The following NRXN1 variants were observed in gnomAD, a reference collection of about 807,000 sequenced individuals.
NRXN1 encodes the protein neurexin-1.
NRXN1 carries 39 observed loss-of-function variants against 150.9 expected under a neutral mutation model. The observed-to-expected ratio is 0.26, with a 90% CI of 0.20 to 0.34. The LOEUF is 0.34. NRXN1 is among the 10% of genes least tolerant of loss of function. The pLI, the probability that NRXN1 is intolerant of heterozygous loss-of-function variation, is 1.00. For synonymous variants in NRXN1, 924 were observed against 757.0 expected, an observed-to-expected ratio of 1.22 and a Z score of -3.62; for missense variants, 1,815 against 1,949.9, an observed-to-expected ratio of 0.93 and a Z score of 1.30.
intron 5 of NRXN1, among the ~76,000 whole-genome samples, chr2:50,804,819 C>T (rs1312089172): frequency 6.6e-6 from 1 of 152,144 alleles, no homozygotes; most frequent in Non-Finnish European, 1.5e-5. Context: ...CTATCAAAAC[C>T]ACTTTTCTCT....
At chr2:50,217,620 G>C (rs1574546965) in intron 18 of NRXN1, among the ~76,000 whole-genome samples, 1 of 151,922 alleles carries the variant, frequency 6.6e-6, no homozygotes, top group Admixed American at 6.6e-5. Context: ...TATAACAGGG[G>C]ACCTAAAGAA....
chr2:51,015,899 G>C (rs561301890), intron 2 of NRXN1, among the ~76,000 whole-genome samples: 27 of 151,962 alleles, frequency 1.8e-4, no homozygotes, highest in African/African-American at 6.0e-4. Context: ...AACCAAAACA[G>C]AGCCCGTACA....
At chr2:50,728,110 GACATTGTGCACTGT>G (rs1487969224) in intron 5 of NRXN1, among the ~76,000 whole-genome samples, 4 of 152,064 alleles carry the variant, frequency 2.6e-5, no homozygotes, top group Non-Finnish European at 5.9e-5. Flanking sequence ...TAGATGTAGT[GACATTGTGCACTGT>G]ACAAACAAGC....
intron 19 of NRXN1, among the ~76,000 whole-genome samples, chr2:50,069,193 AAAGGG>A (rs10568214): frequency 0.011 from 1,603 of 152,338 alleles, 31 homozygotes; most frequent in African/African-American, 0.037. Flanking sequence ...TTAATGCTTC[AAAGGG>A]ATCCACTTCA....
At chr2:50,222,121 G>A (rs113458650) in intron 18 of NRXN1, among the ~76,000 whole-genome samples, 1 of 152,038 alleles carries the variant, frequency 6.6e-6, no homozygotes, top group South Asian at 2.1e-4. Flanking sequence ...CTACCCAGGA[G>A]GATATTAACC....
chr2:49,927,348 C>T (rs556089405), intron 22 of NRXN1, among the ~76,000 whole-genome samples: 1 of 152,298 alleles, frequency 6.6e-6, no homozygotes, highest in South Asian at 2.1e-4. Context: ...TTTTGTGATG[C>T]ATCTGGTGAT....
At chr2:50,075,780 C>T (rs1008844542) in intron 19 of NRXN1, among the ~76,000 whole-genome samples, 5 of 127,224 alleles carry the variant, frequency 3.9e-5, no homozygotes, top group African/African-American at 1.7e-4. Flanking sequence ...GCAATCCCAA[C>T]GTGCTTGGTG....
At chr2:50,085,226 T>G (rs1368286118) in intron 19 of NRXN1, among the ~76,000 whole-genome samples, 1 of 152,196 alleles carries the variant, frequency 6.6e-6, no homozygotes, top group Non-Finnish European at 1.5e-5. Context: ...AAAAAATGCT[T>G]TGACCTAGAA....
At chr2:50,414,132 A>T (rs2083377843) in intron 17 of NRXN1, among the ~76,000 whole-genome samples, 1 of 152,088 alleles carries the variant, frequency 6.6e-6, no homozygotes, top group Non-Finnish European at 1.5e-5. Flanking sequence ...CTACTGTTTG[A>T]TATCACAACA....
chr2:50,555,446 T>TA (rs1398843027), intron 8 of NRXN1, among the ~76,000 whole-genome samples: 2 of 151,808 alleles, frequency 1.3e-5, no homozygotes, highest in East Asian at 1.9e-4. Context: ...CAGGAAGATG[T>TA]AAAAAAAATA....
At chr2:50,323,982 T>C (rs184378591) in intron 17 of NRXN1, among the ~76,000 whole-genome samples, 299 of 152,240 alleles carry the variant, frequency 2.0e-3, no homozygotes, top group African/African-American at 6.8e-3. Context: ...AGGTAGCAGA[T>C]AGGGAATCAC....
At chr2:50,790,647 T>C (rs1156563582) in intron 5 of NRXN1, among the ~76,000 whole-genome samples, 1 of 152,156 alleles carries the variant, frequency 6.6e-6, no homozygotes, top group Non-Finnish European at 1.5e-5. Flanking sequence ...TAGTGTAAAA[T>C]GCAGGTTGAG....
intron 18 of NRXN1, among the ~76,000 whole-genome samples, chr2:50,106,445 A>G (rs1392951139): frequency 1.3e-5 from 2 of 152,048 alleles, no homozygotes; most frequent in Admixed American, 6.6e-5. Flanking sequence ...AGAGAAGAAT[A>G]TTTAATATCA....
chr2:50,470,964 A>G (rs568006330), intron 16 of NRXN1, among the ~76,000 whole-genome samples: 1 of 151,982 alleles, frequency 6.6e-6, no homozygotes, highest in African/African-American at 2.4e-5. Context: ...TGTTTTTGCT[A>G]AAACAGACTG....
At chr2:50,101,361 C>T (rs769329282) in intron 18 of NRXN1, among the ~76,000 whole-genome samples, 1 of 152,000 alleles carries the variant, frequency 6.6e-6, no homozygotes, top group African/African-American at 2.4e-5. Context: ...TAATTGTTGA[C>T]ATTTTTTATG....
At chr2:49,990,208 C>G (rs1208726226) in intron 21 of NRXN1, among the ~76,000 whole-genome samples, 1 of 151,854 alleles carries the variant, frequency 6.6e-6, no homozygotes, top group African/African-American at 2.4e-5. Flanking sequence ...CAGAAGGAGC[C>G]AACATATGAC....
intron 17 of NRXN1, among the ~76,000 whole-genome samples, chr2:50,386,615 T>C (rs189206329): frequency 5.6e-4 from 85 of 152,162 alleles, no homozygotes; most frequent in African/African-American, 1.7e-3. Context: ...TGGGGGCAAA[T>C]TGACAGGGAG....
At chr2:50,562,322 A>ATAC (rs1669208768) in intron 8 of NRXN1, among the ~76,000 whole-genome samples, 3 of 130,566 alleles carry the variant, frequency 2.3e-5, no homozygotes, top group South Asian at 2.4e-4. Context: ...AATATATGAT[A>ATAC]GATATACGAT....
chr2:50,227,659 T>C (rs1292182575), intron 18 of NRXN1, among the ~76,000 whole-genome samples: 1 of 151,954 alleles, frequency 6.6e-6, no homozygotes, highest in South Asian at 2.1e-4. Context: ...ATCATTCTGG[T>C]AGCAGTGCAG....
Sources: allele counts gnomAD v4.1 joint callset (sites outside exome capture counted in the v4.1 genomes callset), GRCh38; gene constraint gnomAD v4.1.1; transcripts MANE v1.5; gene names NCBI Gene and HGNC (gene_info 2026-07-23, HGNC 2026-07-21).